The following DCBLD2 variants were observed in gnomAD, a reference collection of about 807,000 sequenced individuals.
DCBLD2 encodes the protein discoidin, CUB and LCCL domain containing 2.
In DCBLD2, 54 loss-of-function variants were observed where a neutral mutation model predicts 86.8. The observed-to-expected ratio is 0.62, with a 90% CI of 0.50 to 0.78. The LOEUF is 0.78. Among genes scored for constraint, DCBLD2 ranks in the 30% least tolerant of loss-of-function variants. The pLI is 0.00. For missense variants in DCBLD2, 908 were observed against 954.2 expected (o/e 0.95, Z 0.64); for synonymous variants, 354 against 341.3 (o/e 1.04, Z -0.41).
At chr3:98,879,329 T>C (rs530846158) in intron 2 of DCBLD2, among the ~76,000 whole-genome samples, 2 of 152,314 alleles carry the variant, frequency 1.3e-5, no homozygotes, top group South Asian at 4.1e-4. Context: ...CATTATTACA[T>C]CTAAAACAGT....
At chr3:98,877,815 AGAG>A (rs2107518789) in intron 2 of DCBLD2, among the ~76,000 whole-genome samples, 1 of 152,276 alleles carries the variant, frequency 6.6e-6, no homozygotes, top group Admixed American at 6.5e-5. Flanking sequence ...CAGAATATAA[AGAG>A]GTACTCAAAT....
chr3:98,900,895 T>G, intron 1 of DCBLD2: 5 of 687,914 alleles, frequency 7.3e-6, no homozygotes, highest in African/African-American at 1.8e-5. Flanking sequence ...ACGTCCCCCT[T>G]TCAGAAAAAT....
At chr3:98,833,542 T>C (rs1324260221) in intron 3 of DCBLD2, among the ~76,000 whole-genome samples, 1 of 152,222 alleles carries the variant, frequency 6.6e-6, no homozygotes, top group Non-Finnish European at 1.5e-5. Flanking sequence ...CTTGTGTTAG[T>C]TCTTTCTCAT....
chr3:98,866,833 G>GT (rs1943156839), intron 2 of DCBLD2, among the ~76,000 whole-genome samples: 1 of 152,184 alleles, frequency 6.6e-6, no homozygotes, highest in Non-Finnish European at 1.5e-5. Context: ...GGTTTTTATG[G>GT]TTTTAGGTCT....
At chr3:98,868,075 T>C (rs1220440311) in intron 2 of DCBLD2, among the ~76,000 whole-genome samples, 1 of 152,132 alleles carries the variant, frequency 6.6e-6, no homozygotes, top group Non-Finnish European at 1.5e-5. Flanking sequence ...AGTTCTGGGA[T>C]TACAGGCGTG....
At chr3:98,877,513 T>G (rs1301277627) in intron 2 of DCBLD2, among the ~76,000 whole-genome samples, 1 of 152,208 alleles carries the variant, frequency 6.6e-6, no homozygotes, top group Non-Finnish European at 1.5e-5. Flanking sequence ...GAATGAACCC[T>G]ATAATGTTGC....
intron 2 of DCBLD2, among the ~76,000 whole-genome samples, chr3:98,855,881 C>T (rs1942922945): frequency 1.3e-5 from 2 of 152,300 alleles, no homozygotes; most frequent in Admixed American, 1.3e-4. Flanking sequence ...GTAAAGAGAG[C>T]TTCACATTCT....
At chr3:98,837,044 G>T (rs1206270008) in intron 3 of DCBLD2, among the ~76,000 whole-genome samples, 1 of 45,250 alleles carries the variant, frequency 2.2e-5, no homozygotes, top group Non-Finnish European at 4.4e-5. Flanking sequence ...GGCCGGGCGG[G>T]GGGGCTGACC....
rs1308616026 is a variant in DCBLD2 at position 98,801,656 on chromosome 3, A to G, written c.1671-7T>C. The G allele has an allele frequency of 9.4e-6, 15 of 1,603,244 alleles. No individual in the cohort carries two copies. Among genetic ancestry groups the G allele is most frequent in the Non-Finnish European group, 1.1e-5 (13 of 1,174,406 alleles). On this transcript the variant is annotated splice_polypyrimidine_tract_variant and splice_region_variant and intron_variant, in intron 13 of 15. Transcript: ENST00000326840. ...GCCTTCAGTTTTTTTCTTTCTGGAA[A>G]AATACAGAAGAGAAGTTAGCAAACA...
chr3:98,881,058 C>T (rs1943459643), intron 2 of DCBLD2, among the ~76,000 whole-genome samples: 1 of 151,992 alleles, frequency 6.6e-6, no homozygotes, highest in Non-Finnish European at 1.5e-5. Context: ...GCCTGGCCAA[C>T]AGCCTGGCCA....
chr3:98,872,251 G>A (rs1264809319), intron 2 of DCBLD2, among the ~76,000 whole-genome samples: 1 of 152,116 alleles, frequency 6.6e-6, no homozygotes, highest in African/African-American at 2.4e-5. Flanking sequence ...TTGGGTCATG[G>A]GGCCAGATCT....
chr3:98,882,499 G>T (rs534028385), intron 1 of DCBLD2, among the ~76,000 whole-genome samples: 66 of 152,026 alleles, frequency 4.3e-4, no homozygotes, highest in South Asian at 1.7e-3. Context: ...ATATACATGT[G>T]CCATGTTGGT....
chr3:98,874,372 G>A (rs538085005), intron 2 of DCBLD2, among the ~76,000 whole-genome samples: 2 of 152,220 alleles, frequency 1.3e-5, no homozygotes, highest in Admixed American at 1.3e-4. Context: ...TTAAAAGAAT[G>A]TCACATCATA....
chr3:98,819,362 T>C lies in DCBLD2; in HGVS notation c.927A>G (p.Thr309=). 1 of 1,613,834 alleles carries C rather than the reference T, an allele frequency of 6.2e-7. No individual in the cohort carries two copies. Among genetic ancestry groups the C allele is most frequent in the South Asian group, 1.1e-5 (1 of 91,078 alleles). The change falls in exon 8 of 16, where the codon ACA becomes ACG. Residue 309 remains threonine, a synonymous_variant. Coordinates refer to ENST00000326840, the MANE Select transcript of DCBLD2 (RefSeq NM_080927.4). The stretch of plus-strand genomic sequence containing the variant: ...CAGTCCACTCCAGCACAGATGATGC[T>C]GTTATTTGAGGATCCGCGATCACAC... ...ESGVIADPQI[T]ASSVLEWTDH... is the part of the protein sequence containing the mutation.
chr3:98,845,272 T>C (rs1279117295), intron 3 of DCBLD2, among the ~76,000 whole-genome samples: 2 of 152,202 alleles, frequency 1.3e-5, no homozygotes, highest in African/African-American at 2.4e-5. Context: ...GAAATGAAAG[T>C]GGAAGAGGAC....
rs1040927931 is a variant in DCBLD2 at position 98,849,297 on chromosome 3, TTGAAAC to T, written c.571+158_571+163del. The T allele has an allele frequency of 1.3e-5, 11 of 826,782 alleles. No homozygotes were observed. The African/African-American group carries it at 1.7e-4, about 13-fold the overall frequency. 51.2% of individuals were successfully genotyped at this position (826,782 alleles called of 1,614,324 possible). A position where few individuals can be genotyped will look rare whatever the true frequency, so the allele number is the denominator to read the frequency against. On this transcript the variant is annotated intron_variant, in intron 3 of 15. Coordinates refer to ENST00000326840, the MANE Select transcript of DCBLD2 (RefSeq NM_080927.4). ...TTTATGTACTTTTATTTTTGGAACT[TTGAAAC>T]TGAACTCACCTTATTTGTCAAATTT... is the stretch of plus-strand genomic sequence containing the variant.
chr3:98,824,216 T>C (rs1942173996), intron 4 of DCBLD2, among the ~76,000 whole-genome samples: 1 of 152,170 alleles, frequency 6.6e-6, no homozygotes, highest in African/African-American at 2.4e-5. Context: ...GCAGCTTACA[T>C]ACATAATCTG....
chr3:98,869,300 T>C (rs763705531), intron 2 of DCBLD2, among the ~76,000 whole-genome samples: 55 of 152,210 alleles, frequency 3.6e-4, no homozygotes, highest in Non-Finnish European at 7.5e-4. Context: ...TAAGGGATTA[T>C]TTATTTTCTT....
At chr3:98,891,244 A>AAAGC (rs969847869) in intron 1 of DCBLD2, among the ~76,000 whole-genome samples, 112 of 151,622 alleles carry the variant, frequency 7.4e-4, no homozygotes, top group African/African-American at 2.2e-3. Flanking sequence ...AAGAAAGAAA[A>AAAGC]AAGCAAGCAA....
Sources: allele counts gnomAD v4.1 joint callset (sites outside exome capture counted in the v4.1 genomes callset), GRCh38; gene constraint gnomAD v4.1.1; transcripts MANE v1.5; gene names NCBI Gene and HGNC (gene_info 2026-07-23, HGNC 2026-07-21).